LPCAT1: variants seen among roughly 807,000 people sequenced by gnomAD.
LPCAT1 encodes the protein lysophosphatidylcholine acyltransferase 1, also known as 1-acylglycerol-3-phosphate O-acyltransferase.
Under a neutral mutation model 60.9 loss-of-function variants are expected in LPCAT1, and 23 were observed. The observed-to-expected ratio is 0.38, with a 90% CI of 0.27 to 0.53. The LOEUF is 0.53. Among genes scored for constraint, LPCAT1 ranks in the 20% least tolerant of loss-of-function variants. The pLI is 0.82. For synonymous variants in LPCAT1, 340 were observed against 301.1 expected, an observed-to-expected ratio of 1.13 and a Z score of -1.34; for missense variants, 622 against 723.6, an observed-to-expected ratio of 0.86 and a Z score of 1.61.
chr5:1,485,872 C>A lies in LPCAT1; in HGVS notation c.668-2386G>T, dbSNP rs1313821077. ...AGCCCGTGCAGGGAGGCCACTGTGG[C>A]CCAGTGAGAGCTGCGTCCACTTCCA... is the stretch of plus-strand genomic sequence containing the variant. On this transcript the variant is annotated intron_variant, in intron 5 of 13. Transcript: ENST00000283415. Among the ~76,000 whole-genome samples the A allele has an allele frequency of 2.0e-5, 3 of 152,234 alleles. No individual in the cohort carries two copies. In the East Asian group the frequency reaches 5.8e-4, roughly 29 times the overall value.
chr5:1,507,183 T>A lies in LPCAT1; in HGVS notation c.136-5580A>T, dbSNP rs79590957. 1.4e-3 allele frequency among the ~76,000 whole-genome samples: 214 copies of A among 152,200 alleles called. 3 individuals carry two copies. The East Asian group carries it at 0.036, about 25-fold the overall frequency. ...GTCAGGCCTCCACGCGGCAGCCAACTGGGGAGGACACTGTGGACGCCTGCA... is the reference window on the plus strand; with the variant it reads ...GTCAGGCCTCCACGCGGCAGCCAACAGGGGAGGACACTGTGGACGCCTGCA... On this transcript the variant is annotated intron_variant, in intron 1 of 13. Transcript: ENST00000283415.
Position 1,521,262 on chromosome 5 carries a change from A to G in LPCAT1, c.135+2448T>C. On this transcript the variant is annotated intron_variant, in intron 1 of 13. Transcript: ENST00000283415. This position sits in a 1 kb window ranked among gnomAD's most constrained non-coding sequence, Gnocchi z 4.3. Reference sequence around the variant, plus strand: ...TGACAGATGGGCTGGCTGGAGGAGGAGGTGTCCCCGCATGGCGCTAATCCG... The same window carrying G: ...TGACAGATGGGCTGGCTGGAGGAGGGGGTGTCCCCGCATGGCGCTAATCCG... 1.1e-6 allele frequency: 1 copy of G among 869,646 alleles called. No homozygotes were observed. The highest frequency in any genetic ancestry group is 1.4e-6 in the Non-Finnish European group (1 of 724,582). The allele number at this position is 869,646 out of a possible 1,614,324, so 53.9% of individuals were successfully genotyped here. A position where few individuals can be genotyped will look rare whatever the true frequency, so the allele number is the denominator to read the frequency against.
intron 12 of LPCAT1, among the ~76,000 whole-genome samples, chr5:1,467,794 C>T (rs529570041): frequency 6.6e-6 from 1 of 152,168 alleles, no homozygotes; most frequent in Non-Finnish European, 1.5e-5. Context: ...GCTCCAACCC[C>T]TGGGCTCCCT....
At position 1,496,041 on chromosome 5, in the gene LPCAT1, C is replaced by T. The variant is rs1246847782; in HGVS notation, c.279-1127G>A. Among the ~76,000 whole-genome samples, 4 of 152,218 alleles carry T rather than the reference C, an allele frequency of 2.6e-5. No individual in the cohort carries two copies. The highest frequency in any genetic ancestry group is 6.5e-5 in the Admixed American group (1 of 15,284). On this transcript the variant is annotated intron_variant, in intron 2 of 13. Coordinates refer to ENST00000283415, the MANE Select transcript of LPCAT1 (RefSeq NM_024830.5). The surrounding 1 kb of genome is among the most constrained non-coding windows in gnomAD (Gnocchi z 4.7). ...GATTACACAGGTGTGCACTTCTTCA[C>T]CACCTGTTCAGCTGCATATTTAAAA... is the stretch of plus-strand genomic sequence containing the variant.
intron 5 of LPCAT1, among the ~76,000 whole-genome samples, chr5:1,486,748 G>C (rs1014669139): frequency 6.6e-6 from 1 of 152,224 alleles, no homozygotes; most frequent in African/African-American, 2.4e-5. Flanking sequence ...TAAGACGCAT[G>C]AGGGCCTGAG....
chr5:1,501,573 C>G lies in LPCAT1; in HGVS notation c.166G>C (p.Val56Leu). ...VALMTLTLFP[V>L]RLLVAAAMML... ...ATGGCAGCGGCAACCAGGAGCCGGA[C>G]CGGGAAGAGCGTCAGTGTCATGAGG... The change falls in exon 2 of 14, where the codon GTC becomes CTC. Residue 56 changes from valine to leucine, a missense_variant. Around this residue, in one of 3 missense-constraint regions of LPCAT1, gnomAD observed 125 missense variants for 114.5 expected, o/e 1.09. Transcript: ENST00000283415. 6.2e-7 allele frequency: 1 copy of G among 1,613,896 alleles called. No individual in the cohort carries two copies. Among genetic ancestry groups the G allele is most frequent in the East Asian group, 2.2e-5 (1 of 44,878 alleles).
At position 1,489,898 on chromosome 5, in the gene LPCAT1, G is replaced by T. The variant is rs202078468; in HGVS notation, c.494-40C>A. On this transcript the variant is annotated intron_variant, in intron 3 of 13. Transcript: ENST00000283415. ...GGGAGACGGATCACGTGGAATGCACGGCTCCCGCCAGGCAGGGCTGAGGAA... is the reference window on the plus strand; with the variant it reads ...GGGAGACGGATCACGTGGAATGCACTGCTCCCGCCAGGCAGGGCTGAGGAA... The T allele has an allele frequency of 8.3e-6, 12 of 1,442,632 alleles. No individual in the cohort carries two copies. In the South Asian group the frequency reaches 1.4e-4, roughly 16 times the overall value. The allele number at this position is 1,442,632 out of a possible 1,614,324, so 89.4% of individuals were successfully genotyped here. A position where few individuals can be genotyped will look rare whatever the true frequency, so the allele number is the denominator to read the frequency against.
chr5:1,485,154 G>A (rs1735324149), intron 5 of LPCAT1, among the ~76,000 whole-genome samples: 1 of 152,172 alleles, frequency 6.6e-6, no homozygotes. Flanking sequence ...ATGTGTCAAG[G>A]GGACATCACT....
In LPCAT1 at chr5:1,519,510, G is replaced by C. The variant is rs568752140; in HGVS notation, c.135+4200C>G. ...AAAATTCATTCGGAAAATTAGACAG[G>C]ATTACAGGAACGCTCTCGATGACTT... is the stretch of plus-strand genomic sequence containing the variant. On this transcript the variant is annotated intron_variant, in intron 1 of 13. Coordinates refer to ENST00000283415, the MANE Select transcript of LPCAT1 (RefSeq NM_024830.5). Among the ~76,000 whole-genome samples the C allele has an allele frequency of 2.0e-5, 3 of 152,362 alleles. No individual in the cohort carries two copies. The South Asian group carries it at 6.2e-4, about 32-fold the overall frequency.
Position 1,463,722 on chromosome 5 carries a change from C to G in LPCAT1, c.1534G>C (p.Gly512Arg). 1.2e-6 allele frequency: 2 copies of G among 1,614,234 alleles called. No homozygotes were observed. The highest frequency in any genetic ancestry group is 1.7e-6 in the Non-Finnish European group (2 of 1,180,056). ...TCCGGGCTGAAATCGGCACAGAAGC[C>G]GTTTGGGATTGGCGCAGGTGAGGTC... The part of the protein sequence containing the change: ...AETSPAPIPN[G>R]FCADFSPENS... Residue 512 changes from glycine to arginine, a missense_variant, in exon 14 of 14, where the codon GGC (glycine) becomes CGC (arginine). Transcript: ENST00000283415.
chr5:1,462,588 G>A lies in LPCAT1; in HGVS notation c.*1063C>T, dbSNP rs1734144881. ...AAGACTGCGGCTCCTCTCTCTGCAG[G>A]AAGGTCAGCCATACTCGGGTGGCAG... On this transcript the variant is annotated 3_prime_UTR_variant, in exon 14 of 14. Coordinates refer to ENST00000283415, the MANE Select transcript of LPCAT1 (RefSeq NM_024830.5). 2 of 152,596 alleles carry A rather than the reference G, an allele frequency of 1.3e-5. No homozygotes were observed. The highest frequency in any genetic ancestry group is 1.9e-4 in the East Asian group (1 of 5,178). 9.5% of individuals were successfully genotyped at this position (152,596 alleles called of 1,614,324 possible). A position where few individuals can be genotyped will look rare whatever the true frequency, so the allele number is the denominator to read the frequency against.
At chr5:1,468,220 C>A (rs1167354698) in intron 12 of LPCAT1, among the ~76,000 whole-genome samples, 1 of 152,220 alleles carries the variant, frequency 6.6e-6, no homozygotes, top group African/African-American at 2.4e-5. Flanking sequence ...CTCCACTCTC[C>A]CTCCCCTGGG....
At chr5:1,517,083 C>T (rs13160153) in intron 1 of LPCAT1, among the ~76,000 whole-genome samples, 37,194 of 152,068 alleles carry the variant, frequency 0.24, 4,886 homozygotes, top group Non-Finnish European at 0.29. Context: ...TAGCATCATG[C>T]TTTTTTCCTG....
intron 12 of LPCAT1, among the ~76,000 whole-genome samples, chr5:1,468,635 G>A (rs546814875): frequency 6.6e-6 from 1 of 152,358 alleles, no homozygotes; most frequent in Admixed American, 6.5e-5. Context: ...TCTCTGAGCC[G>A]CTGGAAGTTT....
At chr5:1,510,349 C>T (rs1478116331) in intron 1 of LPCAT1, among the ~76,000 whole-genome samples, 2 of 152,216 alleles carry the variant, frequency 1.3e-5, no homozygotes, top group African/African-American at 2.4e-5. Context: ...CCAGCCGTAC[C>T]GCCTCCCGCC....
In LPCAT1 at chr5:1,474,589, T is replaced by C; in HGVS notation, c.996A>G (p.Leu332=). The C allele has an allele frequency of 6.2e-7, 1 of 1,613,992 alleles. No homozygotes were observed. Residue 332 remains leucine (L), a synonymous_variant, in exon 10 of 14, where the codon TTA becomes TTG. Coordinates refer to ENST00000283415, the MANE Select transcript of LPCAT1 (RefSeq NM_024830.5). ...QLRLPADTCL[L]EFARLVRGLG... is the part of the protein sequence containing the mutation. ...GGCCCCGCACGAGCCTGGCAAATTC[T>C]AAAAGGCAAGTGTCAGCGGGGAGAC... is the stretch of plus-strand genomic sequence containing the variant.
chr5:1,503,831 C>T (rs1736102437), intron 1 of LPCAT1, among the ~76,000 whole-genome samples: 1 of 152,124 alleles, frequency 6.6e-6, no homozygotes. Flanking sequence ...AAGGTCTCCT[C>T]CCAGCTGCCT....
At chr5:1,490,204 G>A (rs1735523833) in intron 3 of LPCAT1, among the ~76,000 whole-genome samples, 1 of 152,242 alleles carries the variant, frequency 6.6e-6, no homozygotes, top group Non-Finnish European at 1.5e-5. Context: ...GGACAGGGTT[G>A]AAGGTGCCAG....
At chr5:1,464,891 A>G (rs1348668170) in intron 13 of LPCAT1, among the ~76,000 whole-genome samples, 1 of 141,756 alleles carries the variant, frequency 7.1e-6, no homozygotes, top group Non-Finnish European at 1.6e-5. Context: ...AAACAAGTGC[A>G]CACACACACT....
Sources: gnomAD v4.1 joint callset for allele counts (sites outside exome capture counted in the v4.1 genomes callset) on GRCh38, gnomAD v4.1.1 for gene constraint, gnomAD v4.1.1 regional missense constraint, Gnocchi (gnomAD v3.1) non-coding constraint, MANE v1.5 for transcripts, NCBI Gene and HGNC (gene_info 2026-07-23, HGNC 2026-07-21) for gene names.